ZNF718: variants seen among roughly 807,000 people sequenced by gnomAD.
ZNF718 encodes zinc finger protein 718.
ZNF718 carries 3 observed loss-of-function variants against 2.6 expected under a neutral mutation model. The observed-to-expected ratio is 1.16, with a 90% CI of 0.53 to 3.01. The LOEUF (loss-of-function observed/expected upper bound fraction) is 3.01. Ranked by LOEUF, ZNF718 falls within the 30% of genes most tolerant of loss-of-function variation. The pLI is 0.03. For synonymous variants in ZNF718, 135 were observed against 77.9 expected (o/e 1.73, Z -3.86); for missense variants, 468 against 230.0 (o/e 2.03, Z -6.69).
At chr4:148,610 CAAAAAA>C (rs33957522) in intron 3 of ZNF718, among the ~76,000 whole-genome samples, 2 of 74,512 alleles carry the variant, frequency 2.7e-5, no homozygotes, top group African/African-American at 5.2e-5. Flanking sequence ...GACTCTGTCT[CAAAAAA>C]AAAAAAAAAA....
At chr4:190,966 G>A (rs1029207967) in intron 3 of ZNF718, among the ~76,000 whole-genome samples, 1 of 151,888 alleles carries the variant, frequency 6.6e-6, no homozygotes, top group African/African-American at 2.4e-5. Flanking sequence ...TTGGACCCAG[G>A]AGGCAGAGGT....
chr4:161,042 T>G lies in ZNF718; in HGVS notation c.357T>G (p.Asn119Lys), dbSNP rs782219782. The change falls in exon 4 of 4, where the codon AAT (asparagine) becomes AAG (lysine). Residue 119 changes from asparagine (N) to lysine (K), a missense_variant. Physicochemically the swap from Asn to Lys is moderately conservative, Grantham distance 94. Coordinates refer to ENST00000510175, the MANE Select transcript of ZNF718 (RefSeq NM_001039127.6). The part of the protein sequence containing the change: ...ENLRKTCKSI[N>K]ECKVQKGGYN... ...TAAGAAAAACTTGTAAAAGTATAAA[T>G]GAGTGTAAGGTGCAGAAAGGTGGTT... 3.8e-6 allele frequency: 3 copies of G among 780,440 alleles called. No individual in the cohort carries two copies. Among genetic ancestry groups the G allele is most frequent in the Non-Finnish European group, 7.2e-6 (3 of 417,824 alleles). The allele number at this position is 780,440 out of a possible 1,614,324, so 48.3% of individuals were successfully genotyped here. A position where few individuals can be genotyped will look rare whatever the true frequency, so the allele number is the denominator to read the frequency against.
At chr4:146,178 T>G (rs949665043) in intron 3 of ZNF718, among the ~76,000 whole-genome samples, 1 of 151,596 alleles carries the variant, frequency 6.6e-6, no homozygotes, top group Non-Finnish European at 1.5e-5. Flanking sequence ...TGAAAAATTC[T>G]CATTAACATT....
chr4:126,014 C>T (rs1715195342), intron 1 of ZNF718, among the ~76,000 whole-genome samples: 1 of 152,322 alleles, frequency 6.6e-6, no homozygotes, highest in Non-Finnish European at 1.5e-5. Context: ...TCAGTCAGTG[C>T]GTAGCCCTGC....
intron 3 of ZNF718, among the ~76,000 whole-genome samples, chr4:153,238 T>C (rs1471702111): frequency 6.6e-6 from 1 of 152,144 alleles, no homozygotes; most frequent in Non-Finnish European, 1.5e-5. Context: ...TCTAGGTTCA[T>C]GGATTTATTA....
chr4:198,049 A>G (rs140293760), intron 3 of ZNF718, among the ~76,000 whole-genome samples: 1 of 152,142 alleles, frequency 6.6e-6, no homozygotes, highest in Admixed American at 6.5e-5. Context: ...CTATCCCCAC[A>G]CAGCCTCACC....
At chr4:197,455 C>T (rs1717814914) in intron 3 of ZNF718, among the ~76,000 whole-genome samples, 1 of 151,984 alleles carries the variant, frequency 6.6e-6, no homozygotes, top group African/African-American at 2.4e-5. Flanking sequence ...GCTAAGAATA[C>T]ATTAAGACTG....
chr4:197,593 T>A (rs1480494262), intron 3 of ZNF718, among the ~76,000 whole-genome samples: 1 of 152,194 alleles, frequency 6.6e-6, no homozygotes, highest in African/African-American at 2.4e-5. Context: ...TTTGCACATC[T>A]GAGCTCCAAT....
intron 1 of ZNF718, among the ~76,000 whole-genome samples, chr4:126,785 C>A (rs1308804579): frequency 6.7e-6 from 1 of 149,274 alleles, no homozygotes; most frequent in African/African-American, 2.5e-5. Context: ...TCTTGCTGTT[C>A]TATTATGGTG....
intron 1 of ZNF718, among the ~76,000 whole-genome samples, chr4:125,833 T>G (rs1481919904): frequency 6.6e-6 from 1 of 152,250 alleles, no homozygotes; most frequent in East Asian, 1.9e-4. Context: ...TCAGGAATTG[T>G]GCCCATGGCA....
At chr4:137,397 A>G (rs782468862) in intron 3 of ZNF718, among the ~76,000 whole-genome samples, 1 of 152,208 alleles carries the variant, frequency 6.6e-6, no homozygotes, top group Non-Finnish European at 1.5e-5. Context: ...TTAGTGGGTC[A>G]TAGAATAACT....
chr4:154,215 C>A lies in ZNF718; in HGVS notation c.227-6697C>A, dbSNP rs967461853. Among the ~76,000 whole-genome samples the A allele has an allele frequency of 2.0e-5, 3 of 152,270 alleles. No individual in the cohort carries two copies. In the East Asian group the frequency reaches 5.8e-4, roughly 29 times the overall value. ...CACATGGAACTGTGAGTCCATTAAA[C>A]CTCTTTTTCTTTATAGATTATCCAA... On this transcript the variant is annotated intron_variant, in intron 3 of 3. Transcript: ENST00000510175.
rs1716999085 is a variant in ZNF718 at position 163,545 on chromosome 4, T to G, written c.*1423T>G. On this transcript the variant is annotated 3_prime_UTR_variant, in exon 4 of 4. Coordinates refer to ENST00000510175, the MANE Select transcript of ZNF718 (RefSeq NM_001039127.6). Reference sequence around the variant, plus strand: ...TGATGCATACATCTTTGTGGTTGACTTATCATTGCATGATGCATGACGTAC... The same window carrying G: ...TGATGCATACATCTTTGTGGTTGACGTATCATTGCATGATGCATGACGTAC... The G allele has an allele frequency of 6.6e-6, 1 of 152,206 alleles. No homozygotes were observed. Among genetic ancestry groups the G allele is most frequent in the South Asian group, 2.1e-4 (1 of 4,836 alleles). 9.4% of individuals were successfully genotyped at this position (152,206 alleles called of 1,614,324 possible). A position where few individuals can be genotyped will look rare whatever the true frequency, so the allele number is the denominator to read the frequency against.
intron 3 of ZNF718, among the ~76,000 whole-genome samples, chr4:156,137 T>A (rs1456096499): frequency 3.5e-4 from 53 of 152,180 alleles, no homozygotes; most frequent in Admixed American, 3.2e-3. Context: ...TCTTATAAAT[T>A]ACCCCATCTT....
intron 3 of ZNF718, among the ~76,000 whole-genome samples, chr4:153,167 A>G (rs1472525983): frequency 1.6e-5 from 2 of 123,588 alleles, no homozygotes; most frequent in Admixed American, 8.6e-5. Flanking sequence ...TGCACTATTT[A>G]TTGAAAAGAC....
At chr4:199,640 C>CTATCAG (rs1473395676) in intron 3 of ZNF718, among the ~76,000 whole-genome samples, 1 of 152,236 alleles carries the variant, frequency 6.6e-6, no homozygotes, top group Non-Finnish European at 1.5e-5. Context: ...AAAATAAGAA[C>CTATCAG]TATCAGTATC....
chr4:137,416 T>C (rs1553809492), intron 3 of ZNF718, among the ~76,000 whole-genome samples: 1 of 152,204 alleles, frequency 6.6e-6, no homozygotes. Context: ...CTTCATTTTT[T>C]TTTTGGAGGA....
intron 1 of ZNF718, among the ~76,000 whole-genome samples, chr4:128,462 C>T (rs1452163277): frequency 9.7e-6 from 1 of 102,976 alleles, no homozygotes; most frequent in African/African-American, 3.4e-5. Flanking sequence ...TACCTTCCTC[C>T]TCTATACTGT....
At chr4:179,121 G>C (rs368424955) in intron 3 of ZNF718, among the ~76,000 whole-genome samples, 23 of 152,236 alleles carry the variant, frequency 1.5e-4, no homozygotes, top group African/African-American at 5.1e-4. Context: ...TGAATTTTTT[G>C]ACACCATTTG....
Sources: gnomAD v4.1 joint callset for allele counts (sites outside exome capture counted in the v4.1 genomes callset) on GRCh38, gnomAD v4.1.1 for gene constraint, MANE v1.5 for transcripts, NCBI Gene and HGNC (gene_info 2026-07-23, HGNC 2026-07-21) for gene names.